C12orf42: variants seen among roughly 807,000 people sequenced by gnomAD.
C12orf42 encodes the protein chromosome 12 open reading frame 42.
Under a neutral mutation model 21.6 loss-of-function variants are expected in C12orf42, and 25 were observed. That is an observed-to-expected ratio of 1.16 (90% confidence interval 0.84 to 1.62). C12orf42 has a LOEUF of 1.62. Among genes scored for constraint, C12orf42 ranks in the 40% most tolerant of loss-of-function variants. The pLI is 0.00. For missense variants in C12orf42, 483 were observed against 459.3 expected (o/e 1.05, Z -0.47); for synonymous variants, 174 against 175.0 (o/e 0.99, Z 0.05).
intron 4 of C12orf42, among the ~76,000 whole-genome samples, chr12:103,359,795 C>T (rs886749556): frequency 5.9e-5 from 9 of 151,976 alleles, no homozygotes; most frequent in Non-Finnish European, 1.3e-4. Flanking sequence ...AGGAACCCAT[C>T]TCTTACTCAC....
chr12:103,198,955 A>G, the C12orf42 span, among the ~76,000 whole-genome samples: 1 of 152,196 alleles, frequency 6.6e-6, no homozygotes, highest in Non-Finnish European at 1.5e-5. Flanking sequence ...CTCCAATAGC[A>G]ATTTTTAGAG....
the C12orf42 span, among the ~76,000 whole-genome samples, chr12:103,199,219 G>C: frequency 1.3e-5 from 2 of 152,088 alleles, no homozygotes; most frequent in Non-Finnish European, 2.9e-5. Flanking sequence ...TGAAAGAATA[G>C]TTTCTTTAAT....
chr12:103,533,471 T>G, the C12orf42 span, among the ~76,000 whole-genome samples: 1 of 152,170 alleles, frequency 6.6e-6, no homozygotes, highest in Non-Finnish European at 1.5e-5. Context: ...TCCACAAAAA[T>G]GTCCTCTGGA....
intron 2 of C12orf42, among the ~76,000 whole-genome samples, chr12:103,440,597 T>G (rs1247572395): frequency 2.0e-5 from 3 of 152,042 alleles, no homozygotes; most frequent in Non-Finnish European, 4.4e-5. Flanking sequence ...TCTTGTTGAG[T>G]GTTTTATGTG....
rs531215063 is a variant in C12orf42 at position 103,433,010 on chromosome 12, C to T, written c.79-31335G>A. ...ATTAAAACCATAAAGAAAAAGCAAC[C>T]CGAAGCACAGGACTCCCAGTGAAAT... On this transcript the variant is annotated intron_variant, in intron 2 of 5. Transcript: ENST00000548883. Among the ~76,000 whole-genome samples, 59 of 152,186 alleles carry T rather than the reference C, an allele frequency of 3.9e-4. 1 individual carries two copies. The highest frequency in any genetic ancestry group is 1.4e-3 in the Admixed American group (22 of 15,284).
the C12orf42 span, among the ~76,000 whole-genome samples, chr12:103,125,145 G>A: frequency 4.8e-4 from 73 of 152,108 alleles, no homozygotes; most frequent in East Asian, 0.014. Context: ...TTCATATTCT[G>A]TTTTTTGGTC....
chr12:103,489,137 G>T (rs1324855601), intron 1 of C12orf42, among the ~76,000 whole-genome samples: 1 of 152,210 alleles, frequency 6.6e-6, no homozygotes, highest in Non-Finnish European at 1.5e-5. Flanking sequence ...TTTTGGTGTA[G>T]ATGTCCTTTT....
At chr12:103,344,602 A>G (rs2042449327) in intron 4 of C12orf42, among the ~76,000 whole-genome samples, 2 of 152,188 alleles carry the variant, frequency 1.3e-5, no homozygotes, top group Admixed American at 1.3e-4. Flanking sequence ...GTGATTGGGT[A>G]AGCCCTGGGA....
the C12orf42 span, among the ~76,000 whole-genome samples, chr12:103,218,326 T>C: frequency 6.6e-6 from 1 of 152,122 alleles, no homozygotes; most frequent in Non-Finnish European, 1.5e-5. Flanking sequence ...GAATATACTC[T>C]TCCTGAGGTC....
chr12:103,484,872 T>TA (rs1438906443), intron 1 of C12orf42, among the ~76,000 whole-genome samples: 3 of 141,462 alleles, frequency 2.1e-5, no homozygotes, highest in Non-Finnish European at 4.6e-5. Flanking sequence ...AGTTTTTTTT[T>TA]TTTTTTTTTT....
intron 4 of C12orf42, among the ~76,000 whole-genome samples, chr12:103,296,320 A>C (rs1425238571): frequency 6.6e-6 from 1 of 152,148 alleles, no homozygotes; most frequent in Non-Finnish European, 1.5e-5. Flanking sequence ...GCCACAATAC[A>C]CACACGTGTG....
At chr12:103,277,839 T>C (rs1391104963) in intron 4 of C12orf42, among the ~76,000 whole-genome samples, 2 of 152,098 alleles carry the variant, frequency 1.3e-5, no homozygotes, top group Non-Finnish European at 2.9e-5. Flanking sequence ...CAGGACGATC[T>C]CAATCTCCTG....
intron 2 of C12orf42, among the ~76,000 whole-genome samples, chr12:103,476,057 G>T (rs192856719): frequency 6.6e-6 from 1 of 152,200 alleles, no homozygotes; most frequent in Non-Finnish European, 1.5e-5. Flanking sequence ...AATACAGAGT[G>T]TGCATTTCCT....
the C12orf42 span, among the ~76,000 whole-genome samples, chr12:103,083,063 C>G: frequency 6.6e-6 from 1 of 152,000 alleles, no homozygotes; most frequent in African/African-American, 2.4e-5. Flanking sequence ...CAAGTGCAGA[C>G]CTTAAAGTAA....
At chr12:103,181,398 A>G in the C12orf42 span, among the ~76,000 whole-genome samples, 2 of 152,238 alleles carry the variant, frequency 1.3e-5, no homozygotes, top group African/African-American at 2.4e-5. Context: ...AATCATAAGC[A>G]TACCATAAAT....
downstream of C12orf42, among the ~76,000 whole-genome samples, chr12:103,233,768 A>G (rs2033379976): frequency 6.6e-6 from 1 of 152,196 alleles, no homozygotes; most frequent in African/African-American, 2.4e-5. Context: ...TGTCACCTAC[A>G]AAGAAAGACA....
chr12:103,134,743 A>G, the C12orf42 span, among the ~76,000 whole-genome samples: 1 of 152,236 alleles, frequency 6.6e-6, no homozygotes, highest in Admixed American at 6.5e-5. Context: ...ACATTTAGAC[A>G]TCCAGACACA....
the C12orf42 span, among the ~76,000 whole-genome samples, chr12:103,054,698 AG>A: frequency 1.3e-5 from 2 of 151,994 alleles, no homozygotes; most frequent in East Asian, 3.9e-4. Flanking sequence ...TCAAGTATTA[AG>A]TAGTGGTAGG....
chr12:103,215,510 C>G, the C12orf42 span, among the ~76,000 whole-genome samples: 3 of 152,066 alleles, frequency 2.0e-5, no homozygotes, highest in African/African-American at 7.2e-5. Context: ...TGAGTAACAG[C>G]CTCTGATCAA....
Sources: allele counts gnomAD v4.1 joint callset (sites outside exome capture counted in the v4.1 genomes callset), GRCh38; gene constraint gnomAD v4.1.1; transcripts MANE v1.5; gene names NCBI Gene and HGNC (gene_info 2026-07-23, HGNC 2026-07-21).